Variants in USP9X observed in about 807,000 individuals in gnomAD.
The protein encoded by USP9X is ubiquitin carboxyl-terminal hydrolase 9X.
A neutral mutation model predicts 190.3 loss-of-function variants in USP9X; 7 were observed. That is an observed-to-expected ratio of 0.04 (90% CI 0.02 to 0.07). USP9X has a LOEUF of 0.07. USP9X is among the 10% of genes least tolerant of loss of function. The probability of loss-of-function intolerance (pLI) is 1.00; values close to 1 mark genes in which losing one functional copy is unlikely to be tolerated. For synonymous variants in USP9X, 645 were observed against 659.5 expected (o/e 0.98, Z 0.34); for missense variants, 1,010 against 1,916.9 (o/e 0.53, Z 8.83).
chrX:41,102,049 G>A (rs727205), intron 1 of USP9X, among the ~76,000 whole-genome samples: 14,776 of 110,928 alleles, frequency 0.13, 896 homozygotes, highest in East Asian at 0.21. Flanking sequence ...TGATGAAAAA[G>A]TAATCTGAGA....
At chrX:41,223,919 TA>T (rs2147263933) in intron 39 of USP9X, among the ~76,000 whole-genome samples, 1 of 112,256 alleles carries the variant, frequency 8.9e-6, no homozygotes, top group East Asian at 2.8e-4. Flanking sequence ...ATTAACTTTT[TA>T]GGCTGGGCTC....
chrX:41,103,493 A>G (rs2062048890), intron 1 of USP9X, among the ~76,000 whole-genome samples: 1 of 111,910 alleles, frequency 8.9e-6, no homozygotes, highest in Non-Finnish European at 1.9e-5. Context: ...TCATTCAGGT[A>G]GAAGTAGGAA....
At chrX:41,138,210 C>T (rs181270854) in intron 6 of USP9X, among the ~76,000 whole-genome samples, 105 of 111,661 alleles carry the variant, frequency 9.4e-4, no homozygotes, top group Middle Eastern at 4.6e-3. Context: ...AACAGGTCTT[C>T]TATAAGCTTT....
chrX:41,232,188 G>A (rs1289903293), intron 44 of USP9X, among the ~76,000 whole-genome samples, 199 bp from the exon 45 acceptor site: 1 of 107,094 alleles, frequency 9.3e-6, no homozygotes, highest in Non-Finnish European at 1.9e-5. Flanking sequence ...AGGGTTTTGG[G>A]GTTTGCATTT....
Position 41,197,352 on chromosome X carries a change from C to CCCCCCCGGGGCGGGGG in USP9X, c.4234-12_4234-11insCCCCCCGGGGCGGGGG. 1 of 988,230 alleles carries CCCCCCCGGGGCGGGGG rather than the reference C, an allele frequency of 1.0e-6. No individual in the cohort carries two copies. The highest frequency in any genetic ancestry group is 1.3e-6 in the Non-Finnish European group (1 of 759,397). The allele number at this position is 988,230 out of a possible 1,213,427, so 81.4% of individuals were successfully genotyped here. ...TTCTTCCCCCCCCCACCCCACCCCC[C>CCCCCCCGGGGCGGGGG]GCCTTTGGCAGGATGATGTTAAAAG... is the stretch of plus-strand genomic sequence containing the variant. On this transcript the variant is annotated splice_polypyrimidine_tract_variant and intron_variant, in intron 28 of 44. Coordinates refer to ENST00000378308, the MANE Select transcript of USP9X (RefSeq NM_001039591.3).
At chrX:41,143,574 A>T in intron 10 of USP9X, 131 bp downstream of exon 10, 9 of 469,987 alleles carry the variant, frequency 1.9e-5, no homozygotes, top group Non-Finnish European at 2.3e-5. Flanking sequence ...AATGCTTGTT[A>T]CCCTGCCAGG....
intron 17 of USP9X, 122 bp downstream of exon 17, chrX:41,167,699 G>T: frequency 2.0e-6 from 1 of 494,208 alleles, no homozygotes; most frequent in South Asian, 5.1e-5. Context: ...TGAAGTGATT[G>T]GGTTATTTTT....
At position 41,235,708 on chromosome X, in the gene USP9X, T is replaced by A. The variant is rs1323670166; in HGVS notation, c.*3184T>A. 2 of 112,336 alleles carry A rather than the reference T, an allele frequency of 1.8e-5. No individual in the cohort carries two copies. The highest frequency in any genetic ancestry group is 3.8e-5 in the Non-Finnish European group (2 of 53,183). The allele number at this position is 112,336 out of a possible 1,213,427, so 9.3% of individuals were successfully genotyped here. ...GCAGAAATAACATACTAGGTTTTTTTTTTCTTTCATTGATTTTTCTCCTGG... is the reference window on the plus strand; with the variant it reads ...GCAGAAATAACATACTAGGTTTTTTATTTCTTTCATTGATTTTTCTCCTGG... On this transcript the variant is annotated 3_prime_UTR_variant, in exon 45 of 45. Transcript: ENST00000378308.
intron 1 of USP9X, among the ~76,000 whole-genome samples, chrX:41,103,936 T>C (rs904646367): frequency 1.2e-4 from 13 of 112,014 alleles, no homozygotes; most frequent in Non-Finnish European, 2.3e-4. Flanking sequence ...AGATAATTAG[T>C]TGTGTAGCAC....
chrX:41,135,641 C>A (rs5917410), intron 5 of USP9X, among the ~76,000 whole-genome samples: 41,033 of 110,152 alleles, frequency 0.37, 6,288 homozygotes, highest in East Asian at 0.51. Flanking sequence ...TTTTGTGTGT[C>A]CCCCCGCAAG....
intron 33 of USP9X, among the ~76,000 whole-genome samples, chrX:41,213,603 A>T (rs761145278): frequency 1.8e-5 from 2 of 112,026 alleles, no homozygotes; most frequent in South Asian, 7.4e-4. Flanking sequence ...CATATGCTTC[A>T]CAAAGCCTAA....
chrX:41,186,116 C>CT (rs1296447337), intron 23 of USP9X, among the ~76,000 whole-genome samples: 37 of 107,142 alleles, frequency 3.5e-4, no homozygotes, highest in East Asian at 2.0e-3. Context: ...CTTAATTTTT[C>CT]TTTTTTTTTT....
intron 1 of USP9X, among the ~76,000 whole-genome samples, chrX:41,090,759 T>C (rs1466497881): frequency 9.0e-6 from 1 of 111,649 alleles, no homozygotes; most frequent in Non-Finnish European, 1.9e-5. Context: ...CTTGTTTGAG[T>C]TTCGTTTTGT....
chrX:41,089,994 C>T (rs925350058), intron 1 of USP9X, among the ~76,000 whole-genome samples: 3 of 95,834 alleles, frequency 3.1e-5, no homozygotes, highest in Non-Finnish European at 6.1e-5. Flanking sequence ...GCCTCCACCT[C>T]TCCTGGGCTC....
intron 5 of USP9X, among the ~76,000 whole-genome samples, chrX:41,135,794 C>T (rs777858470): frequency 1.9e-3 from 211 of 110,867 alleles, no homozygotes; most frequent in African/African-American, 6.7e-3. Context: ...CCACGCCTGG[C>T]TAATTTTTGT....
intron 21 of USP9X, among the ~76,000 whole-genome samples, chrX:41,182,199 C>CTA (rs921607802): frequency 2.5e-4 from 28 of 111,356 alleles, no homozygotes; most frequent in African/African-American, 9.2e-4. Context: ...TGGCATAACT[C>CTA]TGTCTCTACA....
chrX:41,226,533 T>G (rs979239127), intron 41 of USP9X, among the ~76,000 whole-genome samples: 2 of 112,186 alleles, frequency 1.8e-5, no homozygotes, highest in Non-Finnish European at 3.8e-5. Context: ...AACAAAATGC[T>G]TAAAGAGAAG....
At chrX:41,171,738 A>G in intron 20 of USP9X, 100 bp from the exon 21 acceptor site, 1 of 997,449 alleles carries the variant, frequency 1.0e-6, no homozygotes. Flanking sequence ...AAATTTCATA[A>G]GTAAAAGTAT....
At chrX:41,188,392 A>G (rs757817450) in intron 25 of USP9X, among the ~76,000 whole-genome samples, 55 of 111,926 alleles carry the variant, frequency 4.9e-4, no homozygotes, top group African/African-American at 1.7e-3. Flanking sequence ...AATTTGCTTT[A>G]TCCCATTCTC....
Sources: gnomAD v4.1 joint callset for allele counts (sites outside exome capture counted in the v4.1 genomes callset) on GRCh38, gnomAD v4.1.1 for gene constraint, MANE v1.5 for transcripts, NCBI Gene and HGNC (gene_info 2026-07-23, HGNC 2026-07-21) for gene names.